XRN1: variants seen among roughly 807,000 people sequenced by gnomAD.
XRN1 encodes 5'-3' exoribonuclease 1.
XRN1 carries 67 observed loss-of-function variants against 222.3 expected under a neutral mutation model. The observed-to-expected ratio is 0.30, with a 90% CI of 0.25 to 0.37. XRN1 has a LOEUF of 0.37. Among genes scored for constraint, XRN1 ranks in the 10% least tolerant of loss-of-function variants. The pLI, the probability that XRN1 is intolerant of heterozygous loss-of-function variation, is 1.00. For missense variants in XRN1, 1,707 were observed against 2,000.2 expected (o/e 0.85, Z 2.80); for synonymous variants, 643 against 652.4 (o/e 0.99, Z 0.22).
chr3:142,377,120 C>T (rs1296783423), intron 23 of XRN1, among the ~76,000 whole-genome samples: 1 of 151,178 alleles, frequency 6.6e-6, no homozygotes, highest in Non-Finnish European at 1.5e-5. Flanking sequence ...TATTTACTAT[C>T]ATATGAAAAC....
intron 39 of XRN1, among the ~76,000 whole-genome samples, chr3:142,317,507 A>G (rs1291384559): frequency 6.6e-6 from 1 of 152,178 alleles, no homozygotes; most frequent in Non-Finnish European, 1.5e-5. Flanking sequence ...GAACAGGATG[A>G]GAAAAAGGGA....
chr3:142,389,150 T>A (rs897296572), intron 20 of XRN1, among the ~76,000 whole-genome samples: 1 of 151,968 alleles, frequency 6.6e-6, no homozygotes, highest in Admixed American at 6.6e-5. Flanking sequence ...GAGGTGGAGG[T>A]TGCAGTGAGC....
At chr3:142,327,247 A>G (rs1205215529) in intron 37 of XRN1, among the ~76,000 whole-genome samples, 1 of 152,070 alleles carries the variant, frequency 6.6e-6, no homozygotes, top group Non-Finnish European at 1.5e-5. Context: ...GTCTACTTTG[A>G]TAAGAGGCTT....
intron 20 of XRN1, among the ~76,000 whole-genome samples, chr3:142,392,319 C>A (rs1020403477): frequency 8.0e-6 from 1 of 125,468 alleles, no homozygotes; most frequent in South Asian, 2.3e-4. Context: ...CCTAAGCCAG[C>A]AATTTCTTTT....
chr3:142,405,389 T>C (rs1437306380), intron 15 of XRN1, among the ~76,000 whole-genome samples: 2 of 152,224 alleles, frequency 1.3e-5, no homozygotes, highest in Non-Finnish European at 2.9e-5. Context: ...TATAATACTA[T>C]ATCATAATTC....
At chr3:142,431,927 A>ATATTT (rs2069596698) in intron 2 of XRN1, among the ~76,000 whole-genome samples, 1 of 92,674 alleles carries the variant, frequency 1.1e-5, no homozygotes, top group Non-Finnish European at 2.0e-5. Context: ...TATATAATAT[A>ATATTT]ATATATTGTA....
chr3:142,349,701 A>C (rs1457431641), intron 32 of XRN1, among the ~76,000 whole-genome samples: 1 of 152,096 alleles, frequency 6.6e-6, no homozygotes, highest in African/African-American at 2.4e-5. Flanking sequence ...GAAAGCTTGA[A>C]TATTTCTTAT....
chr3:142,339,217 G>A (rs1017193631), intron 33 of XRN1, among the ~76,000 whole-genome samples: 1 of 152,146 alleles, frequency 6.6e-6, no homozygotes, highest in Non-Finnish European at 1.5e-5. Flanking sequence ...CCATCCCCAA[G>A]CCCAGGTGGC....
At chr3:142,317,951 T>C (rs2107862801) in intron 39 of XRN1, among the ~76,000 whole-genome samples, 1 of 152,260 alleles carries the variant, frequency 6.6e-6, no homozygotes, top group South Asian at 2.1e-4. Flanking sequence ...TCCTCACAGA[T>C]TTACACTTTT....
chr3:142,327,220 G>A (rs542958870), intron 37 of XRN1, among the ~76,000 whole-genome samples: 2 of 152,170 alleles, frequency 1.3e-5, no homozygotes, highest in African/African-American at 2.4e-5. Flanking sequence ...ATTCAGTAGC[G>A]AAAACACCAG....
At chr3:142,392,131 A>AG (rs2067749111) in intron 20 of XRN1, among the ~76,000 whole-genome samples, 1 of 152,172 alleles carries the variant, frequency 6.6e-6, no homozygotes, top group South Asian at 2.1e-4. Flanking sequence ...ATGCACCCTC[A>AG]GGGGTAGGAG....
intron 37 of XRN1, among the ~76,000 whole-genome samples, chr3:142,325,901 A>G (rs2065500939): frequency 6.6e-6 from 1 of 152,148 alleles, no homozygotes; most frequent in African/African-American, 2.4e-5. Context: ...TAGTTGTCCC[A>G]GGATCATTTA....
chr3:142,356,965 C>A lies in XRN1; in HGVS notation c.3619G>T (p.Gly1207Trp). 6.2e-7 allele frequency: 1 copy of A among 1,614,016 alleles called. No homozygotes were observed. The highest frequency in any genetic ancestry group is 2.2e-5 in the East Asian group (1 of 44,854). The change falls in exon 31 of 41, where the codon GGG (glycine) becomes TGG (tryptophan). Residue 1207 changes from glycine (G) to tryptophan (W), a missense_variant. This residue lies in a region of XRN1 where 1,234 missense variants were observed against 1,518.2 expected (regional missense o/e 0.81). Transcript: ENST00000392981. ...GAATGGTTGAGGGCTCCCAAATGCCCAGAGGAAACTGATGAACTTGAGCTA... is the reference window on the plus strand; with the variant it reads ...GAATGGTTGAGGGCTCCCAAATGCCAAGAGGAAACTGATGAACTTGAGCTA... ...QHSSSSSVSS[G>W]HLGALNHSPQ...
chr3:142,340,246 T>C (rs1217164357), intron 33 of XRN1, among the ~76,000 whole-genome samples: 3 of 151,960 alleles, frequency 2.0e-5, no homozygotes, highest in Non-Finnish European at 4.4e-5. Context: ...TCCCAGCTAC[T>C]TGGGAGGCTG....
intron 27 of XRN1, among the ~76,000 whole-genome samples, chr3:142,370,050 G>C (rs79003068): frequency 1.4e-5 from 1 of 69,972 alleles, no homozygotes; most frequent in Non-Finnish European, 3.6e-5. Flanking sequence ...CTGTCTCAAA[G>C]AAAAAAAAAA....
chr3:142,371,858 G>T (rs2067001249), intron 25 of XRN1, among the ~76,000 whole-genome samples: 1 of 152,172 alleles, frequency 6.6e-6, no homozygotes, highest in African/African-American at 2.4e-5. Context: ...AGAGACAGAT[G>T]AAAAATGAAG....
At chr3:142,369,000 A>G (rs967600341) in intron 27 of XRN1, among the ~76,000 whole-genome samples, 6 of 152,178 alleles carry the variant, frequency 3.9e-5, no homozygotes, top group Admixed American at 6.5e-5. Flanking sequence ...AAACAGAGGT[A>G]TGGAAGGAAA....
At chr3:142,329,344 A>C (rs2065624135) in intron 37 of XRN1, 90 bp downstream of exon 37, 1 of 950,358 alleles carries the variant, frequency 1.1e-6, no homozygotes. Flanking sequence ...AATAGGCCCC[A>C]TTTTATTTTT....
At chr3:142,432,396 G>A (rs1317728276) in intron 2 of XRN1, among the ~76,000 whole-genome samples, 1 of 150,604 alleles carries the variant, frequency 6.6e-6, no homozygotes, top group African/African-American at 2.5e-5. Context: ...ACTCCAGCCT[G>A]GGTGATAGAG....
Sources: allele counts gnomAD v4.1 joint callset (sites outside exome capture counted in the v4.1 genomes callset), GRCh38; gene constraint gnomAD v4.1.1; regional missense constraint gnomAD v4.1.1; transcripts MANE v1.5; gene names NCBI Gene and HGNC (gene_info 2026-07-23, HGNC 2026-07-21).